Variants in ITGBL1 observed in about 807,000 individuals in gnomAD.
ITGBL1 encodes integrin subunit beta like 1, also known as integrin beta-like protein 1.
ITGBL1 carries 51 observed loss-of-function variants against 68.5 expected under a neutral mutation model. That is an observed-to-expected ratio of 0.74 (90% CI 0.59 to 0.94). ITGBL1 has a LOEUF of 0.94. Among genes scored for constraint, ITGBL1 ranks in the 40% least tolerant of loss-of-function variants. ITGBL1 has a pLI of 0.00. For synonymous variants in ITGBL1, 209 were observed against 227.3 expected (o/e 0.92, Z 0.72); for missense variants, 649 against 647.4 (o/e 1.00, Z -0.03).
intron 5 of ITGBL1, among the ~76,000 whole-genome samples, chr13:101,580,739 T>A (rs1379900024): frequency 6.6e-6 from 1 of 152,148 alleles, no homozygotes; most frequent in Non-Finnish European, 1.5e-5. Context: ...AAAATGACTA[T>A]TTGGCTGTCA....
At chr13:101,693,732 C>T (rs2033937266) in intron 8 of ITGBL1, among the ~76,000 whole-genome samples, 1 of 151,988 alleles carries the variant, frequency 6.6e-6, no homozygotes, top group African/African-American at 2.4e-5. Flanking sequence ...TCTCTCTAAC[C>T]AACGATAAGA....
intron 7 of ITGBL1, among the ~76,000 whole-genome samples, chr13:101,683,047 TTTGAATAATCC>T (rs2033678996): frequency 6.6e-6 from 1 of 152,132 alleles, no homozygotes; most frequent in Non-Finnish European, 1.5e-5. Context: ...AAACATATTT[TTTGAATAATCC>T]ATTATGCCCA....
At chr13:101,695,825 T>G (rs1239254099) in intron 8 of ITGBL1, among the ~76,000 whole-genome samples, 1 of 152,180 alleles carries the variant, frequency 6.6e-6, no homozygotes, top group Non-Finnish European at 1.5e-5. Context: ...CAAGCAACAT[T>G]GCTCATGGTC....
chr13:101,632,144 T>C (rs2032003758), intron 7 of ITGBL1, among the ~76,000 whole-genome samples: 1 of 148,648 alleles, frequency 6.7e-6, no homozygotes, highest in Non-Finnish European at 1.5e-5. Flanking sequence ...TCTCTCTCTC[T>C]CTCTCTATAT....
At chr13:101,527,611 G>T (rs150961530) in intron 2 of ITGBL1, among the ~76,000 whole-genome samples, 2 of 66,578 alleles carry the variant, frequency 3.0e-5, no homozygotes, top group Non-Finnish European at 6.2e-5. Flanking sequence ...AAGAAACTGC[G>T]AAACAGTTTT....
At chr13:101,545,709 C>T (rs1245826682) in intron 2 of ITGBL1, among the ~76,000 whole-genome samples, 1 of 152,108 alleles carries the variant, frequency 6.6e-6, no homozygotes, top group Non-Finnish European at 1.5e-5. Flanking sequence ...TAAAAAAAGT[C>T]ATCTTCTTCA....
chr13:101,705,655 A>G (rs540007191), intron 8 of ITGBL1, among the ~76,000 whole-genome samples: 1 of 152,246 alleles, frequency 6.6e-6, no homozygotes, highest in East Asian at 1.9e-4. Flanking sequence ...ATTGCAAACC[A>G]TTAAGCATTG....
intron 2 of ITGBL1, among the ~76,000 whole-genome samples, chr13:101,543,201 T>G (rs111538082): frequency 2.0e-5 from 3 of 152,260 alleles, no homozygotes; most frequent in Middle Eastern, 6.8e-3. Flanking sequence ...GGTACTGGTT[T>G]TTCCTTTCCA....
chr13:101,508,420 A>C (rs1249456433), intron 2 of ITGBL1, among the ~76,000 whole-genome samples: 1 of 152,136 alleles, frequency 6.6e-6, no homozygotes. Flanking sequence ...GGAGTTATTG[A>C]ATTGGTAGGT....
intron 6 of ITGBL1, among the ~76,000 whole-genome samples, chr13:101,588,146 G>A (rs1299867611): frequency 1.3e-5 from 2 of 152,138 alleles, no homozygotes; most frequent in African/African-American, 4.8e-5. Flanking sequence ...AATGGCCTGA[G>A]AACCTTAATA....
chr13:101,574,056 T>C (rs896409092), intron 3 of ITGBL1, among the ~76,000 whole-genome samples: 1 of 152,190 alleles, frequency 6.6e-6, no homozygotes, highest in Non-Finnish European at 1.5e-5. Flanking sequence ...TTCACTCTTA[T>C]GCTATTGCTT....
chr13:101,454,399 T>TTCCCCC (rs2048210934), intron 2 of ITGBL1, among the ~76,000 whole-genome samples: 5 of 135,810 alleles, frequency 3.7e-5, no homozygotes, highest in East Asian at 2.4e-4. Context: ...CCCTGGCTGG[T>TTCCCCC]CCCCCCCCCC....
chr13:101,594,977 G>T (rs2029881214), intron 6 of ITGBL1, among the ~76,000 whole-genome samples: 1 of 152,210 alleles, frequency 6.6e-6, no homozygotes, highest in South Asian at 2.1e-4. Context: ...GGGAGGGTAA[G>T]ACATGAGAAT....
chr13:101,466,684 C>G (rs2048386107), intron 2 of ITGBL1, among the ~76,000 whole-genome samples: 1 of 152,186 alleles, frequency 6.6e-6, no homozygotes, highest in South Asian at 2.1e-4. Context: ...CTAGCACCAT[C>G]TCACATATTT....
chr13:101,472,611 G>T (rs1327374437), intron 2 of ITGBL1, among the ~76,000 whole-genome samples: 1 of 152,108 alleles, frequency 6.6e-6, no homozygotes, highest in East Asian at 1.9e-4. Flanking sequence ...AACGTAAATG[G>T]TTTTAAATGG....
At chr13:101,642,209 TC>T (rs1477480029) in intron 7 of ITGBL1, among the ~76,000 whole-genome samples, 1 of 152,026 alleles carries the variant, frequency 6.6e-6, no homozygotes, top group East Asian at 1.9e-4. Flanking sequence ...TTTCTCCACA[TC>T]CTCTCCAGCA....
At chr13:101,492,836 A>G (rs16958962) in intron 2 of ITGBL1, among the ~76,000 whole-genome samples, 9,175 of 152,222 alleles carry the variant, frequency 0.06, 930 homozygotes, top group African/African-American at 0.21. Flanking sequence ...TGAATTCCCA[A>G]AGCCGAATAT....
At chr13:101,651,874 C>A (rs1275002101) in intron 7 of ITGBL1, among the ~76,000 whole-genome samples, 2 of 152,054 alleles carry the variant, frequency 1.3e-5, no homozygotes, top group African/African-American at 4.8e-5. Context: ...GGTCCAGTTT[C>A]CATTTTCTGC....
At chr13:101,540,757 A>G (rs2049682268) in intron 2 of ITGBL1, among the ~76,000 whole-genome samples, 1 of 151,884 alleles carries the variant, frequency 6.6e-6, no homozygotes, top group Non-Finnish European at 1.5e-5. Flanking sequence ...TTCTCCTTGA[A>G]GAGGTCCTTC....
Sources: allele counts gnomAD v4.1 joint callset (sites outside exome capture counted in the v4.1 genomes callset), GRCh38; gene constraint gnomAD v4.1.1; transcripts MANE v1.5; gene names NCBI Gene and HGNC (gene_info 2026-07-23, HGNC 2026-07-21).